Variants in SLC9A9 observed in about 807,000 individuals in gnomAD.
SLC9A9 encodes the protein sodium/hydrogen exchanger 9.
In SLC9A9, 62 loss-of-function variants were observed where a neutral mutation model predicts 77.8. The observed-to-expected ratio is 0.80, with a 90% CI of 0.65 to 0.98. The LOEUF is 0.98. SLC9A9 is among the 50% of genes least tolerant of loss of function. SLC9A9 has a pLI of 0.00. For missense variants in SLC9A9, 775 were observed against 774.9 expected (o/e 1.00, Z 0.00); for synonymous variants, 320 against 283.5 (o/e 1.13, Z -1.29).
At chr3:143,374,687 G>A (rs1288562074) in intron 13 of SLC9A9, among the ~76,000 whole-genome samples, 1 of 151,950 alleles carries the variant, frequency 6.6e-6, no homozygotes, top group Non-Finnish European at 1.5e-5. Context: ...TGGGGTACAT[G>A]AGATGTTTTG....
chr3:143,424,945 C>T (rs1468534082), intron 12 of SLC9A9, among the ~76,000 whole-genome samples: 1 of 152,198 alleles, frequency 6.6e-6, no homozygotes, highest in Non-Finnish European at 1.5e-5. Flanking sequence ...TTGGCAACCA[C>T]ACAGTACTTA....
chr3:143,802,088 C>T (rs547356929), intron 2 of SLC9A9, among the ~76,000 whole-genome samples: 3 of 152,170 alleles, frequency 2.0e-5, no homozygotes, highest in Non-Finnish European at 2.9e-5. Context: ...CTGTCCCTCA[C>T]GGCCAGTTTT....
intron 8 of SLC9A9, among the ~76,000 whole-genome samples, chr3:143,560,211 TTATACTATTAGGGGATGTCCATGATG>T (rs1413590463): frequency 6.6e-6 from 1 of 152,234 alleles, no homozygotes; most frequent in Non-Finnish European, 1.5e-5. Context: ...TTCTGCATTT[TTATACTATTAGGGGATGTCCATGATG>T]CCGGCCCTTG....
intron 11 of SLC9A9, among the ~76,000 whole-genome samples, chr3:143,486,411 A>G (rs2035653581): frequency 6.6e-6 from 1 of 152,130 alleles, no homozygotes; most frequent in African/African-American, 2.4e-5. Flanking sequence ...TTAAAAAGCT[A>G]GTATTATTGC....
intron 14 of SLC9A9, among the ~76,000 whole-genome samples, chr3:143,333,934 G>A (rs1014807197): frequency 6.6e-6 from 1 of 152,164 alleles, no homozygotes; most frequent in African/African-American, 2.4e-5. Flanking sequence ...TGGATGTCAT[G>A]GGGAAGTGAA....
At chr3:143,407,084 T>C (rs937451623) in intron 12 of SLC9A9, among the ~76,000 whole-genome samples, 5 of 152,192 alleles carry the variant, frequency 3.3e-5, no homozygotes, top group African/African-American at 1.2e-4. Flanking sequence ...GAATCATCTT[T>C]ATTATCCTTC....
intron 4 of SLC9A9, among the ~76,000 whole-genome samples, chr3:143,777,545 A>T (rs1428516477): frequency 6.6e-6 from 1 of 152,304 alleles, no homozygotes; most frequent in African/African-American, 2.4e-5. Context: ...TTTTAAAGCT[A>T]TAACATAAAA....
rs563979639 is a variant in SLC9A9, at chr3:143,353,165, T to A, written c.1604+10319A>T. 2.0e-5 allele frequency among the ~76,000 whole-genome samples: 3 copies of A among 152,308 alleles called. No homozygotes were observed. In the East Asian group the frequency reaches 5.8e-4, roughly 29 times the overall value. On this transcript the variant is annotated intron_variant, in intron 14 of 15. Coordinates refer to ENST00000316549, the MANE Select transcript of SLC9A9 (RefSeq NM_173653.4). Reference sequence around the variant, plus strand: ...CTGCTCCTTACAGATTCCTACTCTTTTATCACCGACTTCCAAAGTCACTTC... The same window carrying A: ...CTGCTCCTTACAGATTCCTACTCTTATATCACCGACTTCCAAAGTCACTTC...
intron 14 of SLC9A9, chr3:143,344,648 C>CT (rs2032207177): frequency 6.6e-6 from 1 of 152,150 alleles, no homozygotes; most frequent in Non-Finnish European, 1.5e-5. Context: ...TGCTTGCAGT[C>CT]TTTTATCTGT....
At chr3:143,501,814 G>A (rs1171028035) in intron 9 of SLC9A9, among the ~76,000 whole-genome samples, 1 of 150,392 alleles carries the variant, frequency 6.6e-6, no homozygotes, top group African/African-American at 2.5e-5. Flanking sequence ...AGAATCTGTG[G>A]GCAAATTCAA....
At chr3:143,810,934 C>T (rs770445395) in intron 2 of SLC9A9, among the ~76,000 whole-genome samples, 4 of 152,090 alleles carry the variant, frequency 2.6e-5, no homozygotes, top group Non-Finnish European at 5.9e-5. Context: ...ATGACAGGGA[C>T]ACCATTCTGG....
chr3:143,799,170 C>G (rs2008477823), intron 2 of SLC9A9, among the ~76,000 whole-genome samples: 1 of 152,172 alleles, frequency 6.6e-6, no homozygotes, highest in African/African-American at 2.4e-5. Flanking sequence ...CATTTGGGCT[C>G]TTTTTCATCA....
intron 12 of SLC9A9, among the ~76,000 whole-genome samples, chr3:143,431,787 C>T (rs146814554): frequency 2.5e-4 from 38 of 152,100 alleles, no homozygotes; most frequent in African/African-American, 7.0e-4. Context: ...ATCTTCCCAC[C>T]CCTCTTACTT....
chr3:143,427,054 T>G (rs1396666399), intron 12 of SLC9A9, among the ~76,000 whole-genome samples: 4 of 152,220 alleles, frequency 2.6e-5, no homozygotes, highest in Non-Finnish European at 5.9e-5. Context: ...CAATGTTTGT[T>G]TTTAAAAACA....
At chr3:143,287,223 G>T (rs1218484717) in intron 14 of SLC9A9, among the ~76,000 whole-genome samples, 1 of 152,162 alleles carries the variant, frequency 6.6e-6, no homozygotes, top group African/African-American at 2.4e-5. Context: ...GGTAGCAAAA[G>T]CTGATAACAT....
chr3:143,407,173 T>A (rs1402312127), intron 12 of SLC9A9, among the ~76,000 whole-genome samples: 1 of 152,210 alleles, frequency 6.6e-6, no homozygotes, highest in Non-Finnish European at 1.5e-5. Flanking sequence ...TAGTCTACTT[T>A]TAGCTTTCAC....
At chr3:143,325,948 C>A (rs1423089337) in intron 14 of SLC9A9, among the ~76,000 whole-genome samples, 1 of 152,092 alleles carries the variant, frequency 6.6e-6, no homozygotes, top group Non-Finnish European at 1.5e-5. Flanking sequence ...GTATATTGTT[C>A]ATATCTGTTT....
chr3:143,422,004 A>G lies in SLC9A9; in HGVS notation c.1470-39890T>C, dbSNP rs116076145. ...TATGAAAAAATGCTGAACATCACTA[A>G]TCAGAAAACGCAAATCAAAACCACA... is the stretch of plus-strand genomic sequence containing the variant. On this transcript the variant is annotated intron_variant, in intron 12 of 15. Coordinates refer to ENST00000316549, the MANE Select transcript of SLC9A9 (RefSeq NM_173653.4). Among the ~76,000 whole-genome samples the G allele has an allele frequency of 5.8e-3, 881 of 152,334 alleles. 6 individuals are homozygous for G. The highest frequency in any genetic ancestry group is 7.6e-3 in the Non-Finnish European group (518 of 68,002).
intron 12 of SLC9A9, among the ~76,000 whole-genome samples, chr3:143,423,248 T>TACACACACACACAC (rs377276883): frequency 5.8e-4 from 83 of 143,834 alleles, no homozygotes; most frequent in East Asian, 1.1e-3. Context: ...CACGCGCGTG[T>TACACACACACACAC]ACACACACAC....
Sources: gnomAD v4.1 joint callset for allele counts (sites outside exome capture counted in the v4.1 genomes callset) on GRCh38, gnomAD v4.1.1 for gene constraint, MANE v1.5 for transcripts, NCBI Gene and HGNC (gene_info 2026-07-23, HGNC 2026-07-21) for gene names.